The following INTS3 variants were observed in gnomAD, a reference collection of about 807,000 sequenced individuals.
INTS3 encodes SOSS complex subunit A.
In INTS3, 34 loss-of-function variants were observed where a neutral mutation model predicts 146.3. The observed-to-expected ratio is 0.23, with a 90% CI of 0.18 to 0.31. The LOEUF is 0.31. Among genes scored for constraint, INTS3 ranks in the 10% least tolerant of loss-of-function variants. INTS3 has a pLI of 1.00. For synonymous variants in INTS3, 475 were observed against 494.9 expected (o/e 0.96, Z 0.53); for missense variants, 757 against 1,304.2 (o/e 0.58, Z 6.46).
rs1044304898 is a variant in INTS3 at position 153,740,696 on chromosome 1, G to A, written c.196G>A (p.Val66Ile). The change falls in exon 2 of 30, where the codon GTC (valine) becomes ATC (isoleucine). Residue 66 changes from valine to isoleucine, a missense_variant. Val to Ile is a conservative substitution (Grantham distance 29). Coordinates refer to ENST00000318967, the MANE Select transcript of INTS3 (RefSeq NM_023015.5). Reference sequence around the variant, plus strand: ...CATTGTGACATCGATGACTGCTGGTGTCTCGGAGAGAGAAGCCAATGATGC... The same window carrying A: ...CATTGTGACATCGATGACTGCTGGTATCTCGGAGAGAGAAGCCAATGATGC... ...MSIVTSMTAG[V>I]SEREANDALN... 3.7e-6 allele frequency: 6 copies of A among 1,614,010 alleles called. No individual in the cohort carries two copies. The African/African-American group carries it at 6.7e-5, about 18-fold the overall frequency.
chr1:153,730,451 A>G (rs1671021557), intron 1 of INTS3, among the ~76,000 whole-genome samples: 1 of 152,222 alleles, frequency 6.6e-6, no homozygotes. Context: ...TAGAAAGTCA[A>G]TAATGGACTG....
At chr1:153,768,204 C>T (rs917568899) in intron 21 of INTS3, among the ~76,000 whole-genome samples, 1 of 152,214 alleles carries the variant, frequency 6.6e-6, no homozygotes, top group Non-Finnish European at 1.5e-5. Context: ...CTGATAGTTC[C>T]TGATGACCAG....
rs185833731 is a variant in INTS3 at position 153,734,357 on chromosome 1, C to T, written c.150+5573C>T. Among the ~76,000 whole-genome samples the T allele has an allele frequency of 9.8e-5, 15 of 152,304 alleles. No individual in the cohort carries two copies. The East Asian group carries it at 2.9e-3, about 29-fold the overall frequency. Reference sequence around the variant, plus strand: ...CTGAATGATTTGTAATCAATTTTCCCATCCCTGTTTGGAAAAGTAATTTCT... The same window carrying T: ...CTGAATGATTTGTAATCAATTTTCCTATCCCTGTTTGGAAAAGTAATTTCT... On this transcript the variant is annotated intron_variant, in intron 1 of 29. Coordinates refer to ENST00000318967, the MANE Select transcript of INTS3 (RefSeq NM_023015.5).
At chr1:153,754,303 G>T (rs1672080470) in intron 8 of INTS3, among the ~76,000 whole-genome samples, 1 of 152,146 alleles carries the variant, frequency 6.6e-6, no homozygotes, top group Non-Finnish European at 1.5e-5. Flanking sequence ...CCAAGGATGG[G>T]ATCATCAGGA....
chr1:153,742,478 C>CTG (rs35008806), intron 3 of INTS3, among the ~76,000 whole-genome samples: 22,660 of 147,420 alleles, frequency 0.15, 1,961 homozygotes, highest in East Asian at 0.41. Context: ...TTTTTAATCT[C>CTG]TGTGTGTGTG....
intron 4 of INTS3, 78 bp downstream of exon 4, chr1:153,747,148 G>A: frequency 7.7e-7 from 1 of 1,305,596 alleles, no homozygotes; most frequent in Non-Finnish European, 1.1e-6. Context: ...CGGGAAAGAG[G>A]AATCAGGGCT....
At chr1:153,729,851 G>T (rs559614953) in intron 1 of INTS3, among the ~76,000 whole-genome samples, 3 of 121,762 alleles carry the variant, frequency 2.5e-5, no homozygotes, top group Non-Finnish European at 4.9e-5. Flanking sequence ...ACGACAGAGC[G>T]AGAGACCCCG....
chr1:153,735,690 A>G (rs1475445194), intron 1 of INTS3, among the ~76,000 whole-genome samples: 1 of 152,120 alleles, frequency 6.6e-6, no homozygotes, highest in African/African-American at 2.4e-5. Flanking sequence ...GCTGGATGTA[A>G]TTGATTCCCC....
chr1:153,759,651 C>T, intron 11 of INTS3, 38 bp downstream of exon 11: 1 of 1,303,640 alleles, frequency 7.7e-7, no homozygotes, highest in Non-Finnish European at 1.1e-6. Context: ...CTTCCCCATC[C>T]CCCTAAGCCC....
rs113772043 is a variant in INTS3 at position 153,773,802 on chromosome 1, C to G, written c.*532C>G. ...CTATGACGTGGTCAGGGTGTCCATT[C>G]CTAATCATGGGGCAGATGCCACAAG... is the stretch of plus-strand genomic sequence containing the variant. On this transcript the variant is annotated 3_prime_UTR_variant, in exon 30 of 30. Coordinates refer to ENST00000318967, the MANE Select transcript of INTS3 (RefSeq NM_023015.5). 548 of 174,240 alleles carry G rather than the reference C, an allele frequency of 3.1e-3. 5 individuals are homozygous for G. The highest frequency in any genetic ancestry group is 0.013 in the African/African-American group (527 of 41,598). The allele number at this position is 174,240 out of a possible 1,614,324, so 10.8% of individuals were successfully genotyped here.
intron 1 of INTS3, among the ~76,000 whole-genome samples, chr1:153,735,140 C>T (rs1243498596): frequency 6.6e-6 from 1 of 152,010 alleles, no homozygotes; most frequent in South Asian, 2.1e-4. Context: ...TAATTTTTAA[C>T]ATTTTTTTTG....
intron 11 of INTS3, 102 bp from the exon 12 acceptor site, chr1:153,760,209 G>T: frequency 1.3e-6 from 1 of 789,290 alleles, no homozygotes; most frequent in South Asian, 1.7e-5. Flanking sequence ...CTCCAGCCTG[G>T]GTGACAGAGC....
At chr1:153,766,241 C>G (rs1672579105) in intron 20 of INTS3, among the ~76,000 whole-genome samples, 1 of 151,170 alleles carries the variant, frequency 6.6e-6, no homozygotes, top group African/African-American at 2.4e-5. Context: ...CCTGCCTCAG[C>G]CTCCCGAGTA....
At chr1:153,759,017 G>A (rs1672271944) in intron 10 of INTS3, among the ~76,000 whole-genome samples, 1 of 151,790 alleles carries the variant, frequency 6.6e-6, no homozygotes, top group African/African-American at 2.4e-5. Context: ...CAAGGAGGCT[G>A]AGGCTGGGAG....
chr1:153,761,400 C>T, intron 13 of INTS3, 170 bp from the exon 14 acceptor site: 1 of 589,246 alleles, frequency 1.7e-6, no homozygotes, highest in South Asian at 2.1e-5. Context: ...ATCCTAGCTA[C>T]TTGAGAGGCT....
Position 153,767,580 on chromosome 1 carries a change from A to G in INTS3, c.2091-94A>G. 8.2e-6 allele frequency: 11 copies of G among 1,342,744 alleles called. 1 individual carries two copies. The South Asian group carries it at 1.6e-4, about 19-fold the overall frequency. 83.2% of individuals were successfully genotyped at this position (1,342,744 alleles called of 1,614,324 possible). ...AGATTAGCACAGGGCATCTGGAGCC[A>G]GCAAAGCAGTTTTAGAGCGGGAGCC... is the stretch of plus-strand genomic sequence containing the variant. On this transcript the variant is annotated intron_variant, in intron 20 of 29. Transcript: ENST00000318967.
chr1:153,772,296 A>G lies in INTS3; in HGVS notation c.2721-44A>G, dbSNP rs1311173707. On this transcript the variant is annotated intron_variant, in intron 26 of 29. Transcript: ENST00000318967. This position sits in a 1 kb window ranked among gnomAD's most constrained non-coding sequence, Gnocchi z 4.6. ...GGGTGGAGGGTGTCTCGCACTCTGG[A>G]ACCCTCCCACACTCAGACTCTGGCT... 6.3e-7 allele frequency: 1 copy of G among 1,598,170 alleles called. No individual in the cohort carries two copies. The highest frequency in any genetic ancestry group is 1.1e-5 in the South Asian group (1 of 88,910).
intron 2 of INTS3, among the ~76,000 whole-genome samples, chr1:153,741,047 C>T (rs1313682445): frequency 6.6e-6 from 1 of 152,148 alleles, no homozygotes; most frequent in Non-Finnish European, 1.5e-5. Flanking sequence ...CTCAAGCGAT[C>T]CTTCTGCTTC....
intron 8 of INTS3, among the ~76,000 whole-genome samples, chr1:153,754,363 C>T (rs567077498): frequency 6.6e-6 from 1 of 152,286 alleles, no homozygotes; most frequent in South Asian, 2.1e-4. Flanking sequence ...ACTTTCCCAT[C>T]TGTTACCAGT....
Sources: allele counts gnomAD v4.1 joint callset (sites outside exome capture counted in the v4.1 genomes callset), GRCh38; gene constraint gnomAD v4.1.1; non-coding constraint Gnocchi (gnomAD v3.1); transcripts MANE v1.5; gene names NCBI Gene and HGNC (gene_info 2026-07-23, HGNC 2026-07-21).